NPRL3: variants seen among roughly 807,000 people sequenced by gnomAD.
NPRL3 encodes NPR3 like, GATOR1 complex subunit.
In NPRL3, 23 loss-of-function variants were observed where a neutral mutation model predicts 57.2. The ratio of observed to expected loss-of-function variants is 0.40; its 90% CI spans 0.29 to 0.57. The LOEUF (loss-of-function observed/expected upper bound fraction) is 0.57, where lower values mean the gene tolerates loss of function less well. Ranked by LOEUF, NPRL3 falls within the 20% of genes least tolerant of loss-of-function variation. The pLI is 0.42. For synonymous variants in NPRL3, 333 were observed against 321.1 expected, an observed-to-expected ratio of 1.04 and a Z score of -0.39; for missense variants, 691 against 767.1, an observed-to-expected ratio of 0.90 and a Z score of 1.17.
chr16:102,686 C>T (rs1899350622), intron 7 of NPRL3, among the ~76,000 whole-genome samples: 1 of 152,186 alleles, frequency 6.6e-6, no homozygotes, highest in South Asian at 2.1e-4. Flanking sequence ...CGGCTAAGTC[C>T]GGGAGACTTG....
intron 3 of NPRL3, chr16:125,745 G>T (rs1424811987): frequency 6.6e-6 from 1 of 152,254 alleles, no homozygotes; most frequent in Non-Finnish European, 1.5e-5. Context: ...TGGGCAGAGG[G>T]AAGTGCCCAA....
chr16:93,470 C>T, intron 9 of NPRL3, 145 bp from the exon 10 acceptor site: 1 of 636,266 alleles, frequency 1.6e-6, no homozygotes, highest in Non-Finnish European at 2.8e-6. Context: ...GTGGCTATGG[C>T]CCGAGACTTC....
rs1415421494 is a variant in NPRL3 at position 92,872 on chromosome 16, C to T, written c.1032-147G>A. 1.9e-5 allele frequency: 19 copies of T among 1,013,004 alleles called. No individual in the cohort carries two copies. The Admixed American group carries it at 4.0e-4, about 21-fold the overall frequency. The allele number at this position is 1,013,004 out of a possible 1,614,324, so 62.8% of individuals were successfully genotyped here. Reference sequence around the variant, plus strand: ...CAGAACGGTATGAGGCCAGGCAGGCCTCCAGGTGGACAGAGCCTGGGCACT... The same window carrying T: ...CAGAACGGTATGAGGCCAGGCAGGCTTCCAGGTGGACAGAGCCTGGGCACT... On this transcript the variant is annotated intron_variant, in intron 10 of 13. Coordinates refer to ENST00000611875, the MANE Select transcript of NPRL3 (RefSeq NM_001077350.3).
chr16:118,757 G>GC (rs1046571883), intron 4 of NPRL3, among the ~76,000 whole-genome samples: 2 of 152,364 alleles, frequency 1.3e-5, no homozygotes, highest in African/African-American at 4.8e-5. Context: ...TCAGTTCTGA[G>GC]CCCCCCAGAG....
chr16:93,750 G>C (rs1898866987), intron 9 of NPRL3, among the ~76,000 whole-genome samples: 1 of 152,116 alleles, frequency 6.6e-6, no homozygotes, highest in Non-Finnish European at 1.5e-5. Context: ...ATTTTTAGTA[G>C]AGACAGGGTT....
intron 6 of NPRL3, among the ~76,000 whole-genome samples, chr16:111,851 A>G (rs967820438): frequency 1.3e-5 from 2 of 152,116 alleles, no homozygotes; most frequent in Non-Finnish European, 2.9e-5. Flanking sequence ...TGCTACAACA[A>G]CTAGGTCTGA....
rs747455940 is a variant in NPRL3, at chr16:92,727, TGCAG to T, written c.1032-6_1032-3del. On this transcript the variant is annotated splice_polypyrimidine_tract_variant and splice_region_variant and intron_variant, in intron 10 of 13. Transcript: ENST00000611875. ...AACTGCTCGGCCAGCGGGGAGTACC[TGCAG>T]GCAGGTGAGCATGCCAGTGAGTGCA... The T allele has an allele frequency of 6.2e-7, 1 of 1,613,192 alleles. No individual in the cohort carries two copies. The highest frequency in any genetic ancestry group is 8.5e-7 in the Non-Finnish European group (1 of 1,179,548).
rs575494127 is a variant in NPRL3, at chr16:138,298, G to C, written c.-31C>G. ...CGTGGGGCCGGGGCCGGGGGCGGAG[G>C]GGGCCAGAGGAGGACGGAGCCGGAG... On this transcript the variant is annotated 5_prime_UTR_variant, in exon 2 of 14. Coordinates refer to ENST00000611875, the MANE Select transcript of NPRL3 (RefSeq NM_001077350.3). The C allele has an allele frequency of 8.5e-6, 13 of 1,525,258 alleles. No individual in the cohort carries two copies. In the East Asian group the frequency reaches 3.2e-4, roughly 38 times the overall value. The allele number at this position is 1,525,258 out of a possible 1,614,324, so 94.5% of individuals were successfully genotyped here.
Position 135,210 on chromosome 16 carries a change from G to A in NPRL3, c.118+2940C>T, listed in dbSNP as rs1326088445. On this transcript the variant is annotated intron_variant, in intron 2 of 13. Transcript: ENST00000611875. Reference sequence around the variant, plus strand: ...ATGTTGGCCCAATCAATCATCATTTGGCCACGTTGTGGCCTGTTATAACTC... The same window carrying A: ...ATGTTGGCCCAATCAATCATCATTTAGCCACGTTGTGGCCTGTTATAACTC... Among the ~76,000 whole-genome samples the A allele has an allele frequency of 2.0e-5, 3 of 152,286 alleles. No individual in the cohort carries two copies. In the East Asian group the frequency reaches 5.8e-4, roughly 29 times the overall value.
At chr16:91,302 C>G (rs1042793048) in intron 11 of NPRL3, among the ~76,000 whole-genome samples, 1 of 151,738 alleles carries the variant, frequency 6.6e-6, no homozygotes, top group African/African-American at 2.4e-5. Context: ...TGCTTGAACC[C>G]GGGAGGCAAA....
chr16:113,066 G>T (rs1304272921), intron 5 of NPRL3, among the ~76,000 whole-genome samples: 1 of 140,860 alleles, frequency 7.1e-6, no homozygotes, highest in East Asian at 2.0e-4. Context: ...CCCTAAGGAG[G>T]CACTGTTGTT....
At chr16:94,487 G>A (rs1215526325) in intron 9 of NPRL3, among the ~76,000 whole-genome samples, 2 of 152,218 alleles carry the variant, frequency 1.3e-5, no homozygotes, top group Admixed American at 1.3e-4. Flanking sequence ...AGTGGCTCAT[G>A]CCTGTAGTCC....
chr16:113,565 C>A (rs1899908532), intron 5 of NPRL3, among the ~76,000 whole-genome samples: 1 of 152,184 alleles, frequency 6.6e-6, no homozygotes. Context: ...AGGGTGGAGG[C>A]ATGCAGCTGT....
Position 111,410 on chromosome 16 carries a change from A to G in NPRL3, c.548-804T>C, listed in dbSNP as rs532680629. 2.6e-5 allele frequency among the ~76,000 whole-genome samples: 4 copies of G among 152,004 alleles called. No individual in the cohort carries two copies. The South Asian group carries it at 8.3e-4, about 32-fold the overall frequency. ...GGAAAAAACAAAAGAAAAACTTTAT[A>G]TATTTGACAATTACCTGTCAAAATT... On this transcript the variant is annotated intron_variant, in intron 6 of 13. Transcript: ENST00000611875.
chr16:131,382 G>GGATTGT (rs1555445477), intron 2 of NPRL3, among the ~76,000 whole-genome samples: 4 of 145,460 alleles, frequency 2.7e-5, no homozygotes, highest in African/African-American at 8.3e-5. Flanking sequence ...TGGAGGGTGA[G>GGATTGT]GCAAGAGAAT....
At chr16:87,388 C>CGT in intron 13 of NPRL3, among the ~76,000 whole-genome samples, 1 of 152,136 alleles carries the variant, frequency 6.6e-6, no homozygotes, top group Non-Finnish European at 1.5e-5. Context: ...AGTGCGCTAC[C>CGT]ACACCTGGCT....
chr16:102,043 G>A (rs1393951698), intron 7 of NPRL3, among the ~76,000 whole-genome samples: 3 of 152,196 alleles, frequency 2.0e-5, no homozygotes, highest in African/African-American at 7.2e-5. Flanking sequence ...TTTCCTGAAT[G>A]AAGCCAAGGA....
intron 4 of NPRL3, among the ~76,000 whole-genome samples, chr16:118,660 C>T (rs923341435): frequency 5.3e-5 from 8 of 152,228 alleles, no homozygotes; most frequent in African/African-American, 1.9e-4. Flanking sequence ...TTCTACTGGA[C>T]TCTCTGGGTT....
At position 92,507 on chromosome 16, in the gene NPRL3, G is replaced by C. The variant is rs1898802960; in HGVS notation, c.1161+89C>G. Reference sequence around the variant, plus strand: ...AGGAGAAGCAGGTGGCAGTGCTGAGGGCTCTCAGATCAGAACCAACAGCCA... The same window carrying C: ...AGGAGAAGCAGGTGGCAGTGCTGAGCGCTCTCAGATCAGAACCAACAGCCA... On this transcript the variant is annotated intron_variant, in intron 11 of 13. Coordinates refer to ENST00000611875, the MANE Select transcript of NPRL3 (RefSeq NM_001077350.3). 14 of 1,481,164 alleles carry C rather than the reference G, an allele frequency of 9.5e-6. No individual in the cohort carries two copies. The South Asian group carries it at 1.7e-4, about 18-fold the overall frequency. 91.8% of individuals were successfully genotyped at this position (1,481,164 alleles called of 1,614,324 possible).
Sources: allele counts gnomAD v4.1 joint callset (sites outside exome capture counted in the v4.1 genomes callset), GRCh38; gene constraint gnomAD v4.1.1; transcripts MANE v1.5; gene names NCBI Gene and HGNC (gene_info 2026-07-23, HGNC 2026-07-21).